The following LDB3 variants were observed in gnomAD, a reference collection of about 807,000 sequenced individuals.
The protein encoded by LDB3 is LIM domain binding 3, also known as LIM domain-binding protein 3.
LDB3 carries 49 observed loss-of-function variants against 69.0 expected under a neutral mutation model. The ratio of observed to expected loss-of-function variants is 0.71; its 90% CI spans 0.56 to 0.90. The LOEUF (loss-of-function observed/expected upper bound fraction) is 0.90. Ranked by LOEUF, LDB3 falls within the 40% of genes least tolerant of loss-of-function variation. The pLI is 0.00. For synonymous variants in LDB3, 387 were observed against 396.2 expected (o/e 0.98, Z 0.28); for missense variants, 928 against 974.1 (o/e 0.95, Z 0.63).
rs574180591 is a variant in LDB3, at chr10:86,735,193, A to G, written c.*2217A>G. 2.0e-5 allele frequency: 3 copies of G among 150,746 alleles called. No homozygotes were observed. Among genetic ancestry groups the G allele is most frequent in the African/African-American group, 7.3e-5 (3 of 40,984 alleles). The allele number at this position is 150,746 out of a possible 1,614,324, so 9.3% of individuals were successfully genotyped here. On this transcript the variant is annotated 3_prime_UTR_variant, in exon 14 of 14. Coordinates refer to ENST00000361373, the MANE Select transcript of LDB3 (RefSeq NM_007078.3). ...TCCTTTATTGAATCAATTTTTCTAC[A>G]TTTCAGAGCAAGTGTAGATTCTGAG...
At chr10:86,672,066 C>T (rs11202119) in intron 2 of LDB3, among the ~76,000 whole-genome samples, 43,569 of 152,102 alleles carry the variant, frequency 0.29, 7,222 homozygotes, top group East Asian at 0.46. Context: ...GAGCTGAGAT[C>T]GCACCACTGC....
At chr10:86,728,586 G>GGTTTTTTTTTTGT (rs1554868913) in intron 13 of LDB3, among the ~76,000 whole-genome samples, 1 of 131,456 alleles carries the variant, frequency 7.6e-6, no homozygotes, top group Non-Finnish European at 1.6e-5. Context: ...TGGTTCTTTT[G>GGTTTTTTTTTTGT]TTTTTTTTTT....
At chr10:86,677,140 G>T (rs1269631400) in intron 2 of LDB3, among the ~76,000 whole-genome samples, 1 of 152,230 alleles carries the variant, frequency 6.6e-6, no homozygotes, top group Non-Finnish European at 1.5e-5. Flanking sequence ...GGGGTCCGGA[G>T]CCTCCTCTTT....
rs1709687354 is a variant in LDB3 at position 86,716,344 on chromosome 10, A to C, written c.1249A>C (p.Ser417Arg). The C allele has an allele frequency of 1.2e-6, 2 of 1,611,054 alleles. No individual in the cohort carries two copies. Among genetic ancestry groups the C allele is most frequent in the Non-Finnish European group, 1.7e-6 (2 of 1,179,760 alleles). The part of the protein sequence containing the change: ...VYQPVPASTY[S>R]PSPGANYSPT... ...TTTTGCAGTGCCTGCATCTACCTACAGCCCGTCCCCAGGGGCCAATTACAG... is the reference window on the plus strand; with the variant it reads ...TTTTGCAGTGCCTGCATCTACCTACCGCCCGTCCCCAGGGGCCAATTACAG... The change falls in exon 10 of 14, where the codon AGC becomes CGC. Residue 417 changes from serine to arginine, a missense_variant. Coordinates refer to ENST00000361373, the MANE Select transcript of LDB3 (RefSeq NM_007078.3).
intron 5 of LDB3, chr10:86,685,612 G>A (rs552953308): frequency 4.1e-5 from 64 of 1,551,642 alleles, no homozygotes; most frequent in East Asian, 4.0e-4. Flanking sequence ...TGGCCCCGGC[G>A]CTCAAACTGC....
chr10:86,730,184 G>C (rs540535733), intron 13 of LDB3, among the ~76,000 whole-genome samples: 1 of 152,324 alleles, frequency 6.6e-6, no homozygotes, highest in Non-Finnish European at 1.5e-5. Context: ...CTAGCGTGGT[G>C]CCCTTTTCCT....
At chr10:86,685,185 C>T (rs986903151) in intron 5 of LDB3, among the ~76,000 whole-genome samples, 15 of 152,304 alleles carry the variant, frequency 9.8e-5, no homozygotes, top group Admixed American at 4.6e-4. Flanking sequence ...TGCCTCCTTA[C>T]CACTGCAATG....
At position 86,668,576 on chromosome 10, in the gene LDB3, G is replaced by A; in HGVS notation, c.-24+6G>A. 2.4e-6 allele frequency: 2 copies of A among 844,800 alleles called. No homozygotes were observed. The highest frequency in any genetic ancestry group is 4.1e-6 in the Non-Finnish European group (2 of 490,640). The allele number at this position is 844,800 out of a possible 1,614,324, so 52.3% of individuals were successfully genotyped here. A position where few individuals can be genotyped will look rare whatever the true frequency, so the allele number is the denominator to read the frequency against. ...GGCAGCAAGGGACAGAACAGGCAAG[G>A]CTGGGGGTCAGGGGCAGGGGCAGAG... On this transcript the variant is annotated splice_donor_region_variant and intron_variant, in intron 1 of 13. Transcript: ENST00000361373.
intron 3 of LDB3, 27 bp downstream of exon 3, chr10:86,679,545 G>A (rs1265126349): frequency 6.2e-7 from 1 of 1,612,832 alleles, no homozygotes; most frequent in Non-Finnish European, 8.5e-7. Context: ...CAGAGCAGGG[G>A]GCGGAGGTTT....
chr10:86,731,219 A>G (rs1442978463), intron 13 of LDB3, among the ~76,000 whole-genome samples: 1 of 138,758 alleles, frequency 7.2e-6, no homozygotes, highest in African/African-American at 2.8e-5. Context: ...ACTTTTCCAT[A>G]TCTACCTTTT....
At chr10:86,718,199 C>A in intron 11 of LDB3, 55 bp downstream of exon 11, 1 of 1,550,582 alleles carries the variant, frequency 6.4e-7, no homozygotes, top group Non-Finnish European at 8.9e-7. Context: ...AGCCCTTCCC[C>A]AAGATCGTGG....
chr10:86,692,336 G>C (rs746010702), intron 6 of LDB3, among the ~76,000 whole-genome samples, 199 bp from the exon 7 acceptor site: 1 of 152,232 alleles, frequency 6.6e-6, no homozygotes, highest in Non-Finnish European at 1.5e-5. Flanking sequence ...CCAGGGCTGG[G>C]ATGAGGCCCT....
At chr10:86,689,182 G>A (rs576093127) in intron 5 of LDB3, among the ~76,000 whole-genome samples, 7 of 152,040 alleles carry the variant, frequency 4.6e-5, no homozygotes, top group African/African-American at 1.2e-4. Flanking sequence ...ACCCTAACCC[G>A]GCTCTCTTGT....
intron 12 of LDB3, among the ~76,000 whole-genome samples, chr10:86,722,482 G>A (rs189772698): frequency 8.7e-5 from 13 of 150,040 alleles, no homozygotes; most frequent in South Asian, 8.5e-4. Flanking sequence ...GGATGGTCTC[G>A]ATCTCCTGAT....
chr10:86,699,616 T>G lies in LDB3; in HGVS notation c.897-6915T>G. ...AGGGCAACCCTCGCCACCCCCCAAA[T>G]AGCCCGTAGCCCAATCCCCTGCCCT... is the stretch of plus-strand genomic sequence containing the variant. On this transcript the variant is annotated intron_variant, in intron 7 of 13. Transcript: ENST00000361373. This position sits in a 1 kb window ranked among gnomAD's most constrained non-coding sequence, Gnocchi z 4.9. 6 of 1,349,936 alleles carry G rather than the reference T, an allele frequency of 4.4e-6. No individual in the cohort carries two copies. The highest frequency in any genetic ancestry group is 3.1e-5 in the East Asian group (1 of 32,406). 83.6% of individuals were successfully genotyped at this position (1,349,936 alleles called of 1,614,324 possible).
At chr10:86,701,928 C>G (rs368469594) in intron 7 of LDB3, among the ~76,000 whole-genome samples, 1 of 152,334 alleles carries the variant, frequency 6.6e-6, no homozygotes, top group East Asian at 1.9e-4. Flanking sequence ...GTGGAACTAG[C>G]AAAGGCTGTA....
chr10:86,699,805 G>A lies in LDB3; in HGVS notation c.897-6726G>A. ...AGTCACCCGTAGATCAGGGTCTGGG[G>A]AAGAGGCTGATCCCTGGCGCTGCCC... On this transcript the variant is annotated intron_variant, in intron 7 of 13. Coordinates refer to ENST00000361373, the MANE Select transcript of LDB3 (RefSeq NM_007078.3). This position sits in a 1 kb window ranked among gnomAD's most constrained non-coding sequence, Gnocchi z 4.9. The A allele has an allele frequency of 9.6e-7, 1 of 1,036,772 alleles. No homozygotes were observed. The allele number at this position is 1,036,772 out of a possible 1,614,324, so 64.2% of individuals were successfully genotyped here.
rs1846137061 is a variant in LDB3, at chr10:86,699,061, T to TCC, written c.896+6493_896+6494dup. 6.6e-6 allele frequency among the ~76,000 whole-genome samples: 1 copy of TCC among 152,050 alleles called. No homozygotes were observed. Among genetic ancestry groups the TCC allele is most frequent in the East Asian group, 1.9e-4 (1 of 5,134 alleles). ...TCCTGGTCCCCAAGACTCTCGGTCT[T>TCC]CCCCTAACCCAGGCCTGACCTGGGT... On this transcript the variant is annotated intron_variant, in intron 7 of 13. Transcript: ENST00000361373. The surrounding 1 kb of genome is among the most constrained non-coding windows in gnomAD (Gnocchi z 4.9).
chr10:86,734,464 C>T lies in LDB3; in HGVS notation c.*1488C>T, dbSNP rs1847564600. On this transcript the variant is annotated 3_prime_UTR_variant, in exon 14 of 14. Coordinates refer to ENST00000361373, the MANE Select transcript of LDB3 (RefSeq NM_007078.3). Reference sequence around the variant, plus strand: ...CAGGCACTTGCGTGGATGTTTCTCACTTGAGCACGATATTTAGGCTCTCTT... The same window carrying T: ...CAGGCACTTGCGTGGATGTTTCTCATTTGAGCACGATATTTAGGCTCTCTT... The T allele has an allele frequency of 6.6e-6, 1 of 152,246 alleles. No homozygotes were observed. 9.4% of individuals were successfully genotyped at this position (152,246 alleles called of 1,614,324 possible). A position where few individuals can be genotyped will look rare whatever the true frequency, so the allele number is the denominator to read the frequency against.
Sources: gnomAD v4.1 joint callset for allele counts (sites outside exome capture counted in the v4.1 genomes callset) on GRCh38, gnomAD v4.1.1 for gene constraint, Gnocchi (gnomAD v3.1) non-coding constraint, MANE v1.5 for transcripts, NCBI Gene and HGNC (gene_info 2026-07-23, HGNC 2026-07-21) for gene names.